The following CPQ variants were observed in gnomAD, a reference collection of about 807,000 sequenced individuals.
CPQ encodes the protein carboxypeptidase Q.
In CPQ, 37 loss-of-function variants were observed where a neutral mutation model predicts 45.7. The ratio of observed to expected loss-of-function variants is 0.81; its 90% CI spans 0.62 to 1.07. CPQ has a LOEUF of 1.07. CPQ is among the 50% of genes least tolerant of loss of function. CPQ has a pLI of 0.00. For missense variants in CPQ, 537 were observed against 572.9 expected (o/e 0.94, Z 0.64); for synonymous variants, 186 against 205.8 (o/e 0.90, Z 0.82).
At chr8:96,876,730 A>G (rs1199401115) in intron 3 of CPQ, among the ~76,000 whole-genome samples, 3 of 152,222 alleles carry the variant, frequency 2.0e-5, no homozygotes, top group African/African-American at 7.2e-5. Context: ...TATTACATCA[A>G]TTGATTTTTG....
chr8:96,660,416 A>G lies in CPQ; in HGVS notation c.-35+15014A>G, dbSNP rs925442438. Among the ~76,000 whole-genome samples, 17 of 152,302 alleles carry G rather than the reference A, an allele frequency of 1.1e-4. No individual in the cohort carries two copies. The South Asian group carries it at 3.5e-3, about 32-fold the overall frequency. ...ACCTCTTTCAAAGCCCCATTTTCAA[A>G]TAGTCACAGTCCAAAGCCCTGGGGG... is the stretch of plus-strand genomic sequence containing the variant. On this transcript the variant is annotated intron_variant, in intron 1 of 7. Transcript: ENST00000220763.
At chr8:96,836,146 T>C (rs1811527286) in intron 3 of CPQ, among the ~76,000 whole-genome samples, 2 of 152,156 alleles carry the variant, frequency 1.3e-5, no homozygotes, top group Admixed American at 6.5e-5. Context: ...TTTATTTGGG[T>C]CTCCGGATTG....
At chr8:96,873,766 C>G (rs549877215) in intron 3 of CPQ, among the ~76,000 whole-genome samples, 1 of 151,826 alleles carries the variant, frequency 6.6e-6, no homozygotes, top group South Asian at 2.1e-4. Context: ...TTATATGCCC[C>G]TGCACAGACT....
chr8:96,771,641 C>T (rs1047141954), intron 1 of CPQ, among the ~76,000 whole-genome samples: 8 of 152,006 alleles, frequency 5.3e-5, no homozygotes, highest in Non-Finnish European at 7.4e-5. Context: ...AATTTGGAAT[C>T]GTTTGTTTAT....
chr8:97,021,251 C>G (rs1809675327), intron 5 of CPQ, among the ~76,000 whole-genome samples: 1 of 152,134 alleles, frequency 6.6e-6, no homozygotes, highest in Admixed American at 6.6e-5. Flanking sequence ...CTATGACAAA[C>G]CCACAGCCAA....
At chr8:97,106,216 C>A (rs1365662566) in intron 7 of CPQ, among the ~76,000 whole-genome samples, 1 of 152,240 alleles carries the variant, frequency 6.6e-6, no homozygotes, top group Non-Finnish European at 1.5e-5. Context: ...CAGGACCAGG[C>A]ACTGTTCTTA....
intron 1 of CPQ, among the ~76,000 whole-genome samples, chr8:96,696,093 A>G (rs1255296574): frequency 2.6e-5 from 4 of 151,960 alleles, no homozygotes; most frequent in African/African-American, 9.7e-5. Context: ...CATATACATC[A>G]TGGAATACTA....
In CPQ at chr8:96,885,019, A is replaced by C. The variant is rs184205474; in HGVS notation, c.849+5014A>C. Among the ~76,000 whole-genome samples the C allele has an allele frequency of 2.0e-3, 298 of 152,292 alleles. 3 individuals are homozygous for C. The highest frequency in any genetic ancestry group is 3.2e-3 in the Non-Finnish European group (217 of 68,016). ...ACTTGAAAGTAGGCAGAGGGGAGGAAAGTGGGTATCTTAGTCTGTTTTATG... is the reference window on the plus strand; with the variant it reads ...ACTTGAAAGTAGGCAGAGGGGAGGACAGTGGGTATCTTAGTCTGTTTTATG... On this transcript the variant is annotated intron_variant, in intron 4 of 7. Transcript: ENST00000220763.
intron 2 of CPQ, among the ~76,000 whole-genome samples, chr8:96,828,183 A>T (rs946217928): frequency 1.3e-5 from 2 of 152,014 alleles, no homozygotes; most frequent in Non-Finnish European, 2.9e-5. Flanking sequence ...CTTACCCAGA[A>T]TGTGGCAGTA....
At chr8:97,141,905 A>T (rs1350666544) in intron 7 of CPQ, among the ~76,000 whole-genome samples, 3 of 152,214 alleles carry the variant, frequency 2.0e-5, no homozygotes, top group Non-Finnish European at 4.4e-5. Flanking sequence ...ATTAAACTGT[A>T]TATCTGTACA....
chr8:96,767,833 C>G (rs1810488396), intron 1 of CPQ, among the ~76,000 whole-genome samples: 1 of 151,708 alleles, frequency 6.6e-6, no homozygotes, highest in East Asian at 1.9e-4. Context: ...TTAGTAGAGA[C>G]AGGGTTTCAC....
intron 5 of CPQ, among the ~76,000 whole-genome samples, chr8:96,991,914 G>A (rs1332100329): frequency 1.3e-5 from 2 of 152,298 alleles, no homozygotes; most frequent in South Asian, 2.1e-4. Context: ...AAGACCCATA[G>A]TGGATCAGCA....
intron 4 of CPQ, among the ~76,000 whole-genome samples, chr8:96,919,188 A>G (rs2130909779): frequency 6.6e-6 from 1 of 152,110 alleles, no homozygotes; most frequent in Admixed American, 6.6e-5. Flanking sequence ...AGGGTGTGCC[A>G]AGTTAAACCT....
rs999476467 is a variant in CPQ at position 96,837,646 on chromosome 8, A to G, written c.641+2466A>G. Among the ~76,000 whole-genome samples the G allele has an allele frequency of 3.9e-5, 6 of 152,132 alleles. No homozygotes were observed. In the East Asian group the frequency reaches 7.8e-4, roughly 20 times the overall value. On this transcript the variant is annotated intron_variant, in intron 3 of 7. Transcript: ENST00000220763. The stretch of plus-strand genomic sequence containing the variant: ...TTGTGAAGATGTGACTTGAACCACA[A>G]TCTACATTGTGGCCATTTCCAAACC...
chr8:97,089,257 A>AAG (rs1811091766), intron 7 of CPQ, among the ~76,000 whole-genome samples: 1 of 151,712 alleles, frequency 6.6e-6, no homozygotes, highest in African/African-American at 2.4e-5. Context: ...AAAAAAAAAA[A>AAG]AAGAGAAAAG....
chr8:96,951,785 A>T (rs879733246), intron 4 of CPQ, among the ~76,000 whole-genome samples: 2 of 152,108 alleles, frequency 1.3e-5, no homozygotes, highest in African/African-American at 4.8e-5. Context: ...CAGTGCCCGC[A>T]TAAGCAGTCT....
At chr8:96,724,386 G>T (rs1174760562) in intron 1 of CPQ, among the ~76,000 whole-genome samples, 1 of 151,764 alleles carries the variant, frequency 6.6e-6, no homozygotes. Context: ...CCCCAATGTG[G>T]TGGTATTTAG....
chr8:97,042,321 C>T (rs1212285759), intron 6 of CPQ, among the ~76,000 whole-genome samples: 42 of 151,912 alleles, frequency 2.8e-4, no homozygotes, highest in East Asian at 1.5e-3. Flanking sequence ...TCTGTGGGAT[C>T]GGTGGTGATA....
At position 96,835,209 on chromosome 8, in the gene CPQ, T is replaced by C. The variant is rs536818658; in HGVS notation, c.641+29T>C. The C allele has an allele frequency of 4.3e-6, 6 of 1,403,324 alleles. No homozygotes were observed. The East Asian group carries it at 1.6e-4, about 37-fold the overall frequency. The allele number at this position is 1,403,324 out of a possible 1,614,324, so 86.9% of individuals were successfully genotyped here. On this transcript the variant is annotated intron_variant, in intron 3 of 7. Coordinates refer to ENST00000220763, the MANE Select transcript of CPQ (RefSeq NM_016134.4). ...TGTCACAATGTTCATTTGAATTCCT[T>C]TCAAAAACAAGGGTTTTCCGTGAAG...
Sources: gnomAD v4.1 joint callset for allele counts (sites outside exome capture counted in the v4.1 genomes callset) on GRCh38, gnomAD v4.1.1 for gene constraint, MANE v1.5 for transcripts, NCBI Gene and HGNC (gene_info 2026-07-23, HGNC 2026-07-21) for gene names.